FAM186A: variants seen among roughly 807,000 people sequenced by gnomAD.
FAM186A encodes the protein protein FAM186A.
A neutral mutation model predicts 216.8 loss-of-function variants in FAM186A; 163 were observed. The observed-to-expected ratio is 0.75, with a 90% CI of 0.66 to 0.86. The LOEUF is 0.86. Among genes scored for constraint, FAM186A ranks in the 40% least tolerant of loss-of-function variants. The pLI, the probability that FAM186A is intolerant of heterozygous loss-of-function variation, is 0.00. For missense variants in FAM186A, 2,184 were observed against 2,746.2 expected (o/e 0.80, Z 4.58); for synonymous variants, 805 against 1,025.3 (o/e 0.79, Z 4.10).
At chr12:50,344,382 C>T (rs1273101061) in intron 4 of FAM186A, among the ~76,000 whole-genome samples, 1 of 152,040 alleles carries the variant, frequency 6.6e-6, no homozygotes, top group Non-Finnish European at 1.5e-5. Context: ...GTTTTCTGTT[C>T]TTCTGTTAAT....
At chr12:50,373,345 C>T (rs1304762101) in intron 1 of FAM186A, among the ~76,000 whole-genome samples, 21 of 151,832 alleles carry the variant, frequency 1.4e-4, no homozygotes, top group African/African-American at 3.9e-4. Flanking sequence ...TGCAGTGAGC[C>T]GAGACCACAC....
intron 1 of FAM186A, chr12:50,365,833 A>C: frequency 1.3e-6 from 1 of 760,990 alleles, no homozygotes; most frequent in Non-Finnish European, 2.4e-6. Context: ...GTATGAGGAC[A>C]CCATAAAGGT....
At chr12:50,382,010 A>C (rs747499766) in intron 1 of FAM186A, among the ~76,000 whole-genome samples, 17 of 151,916 alleles carry the variant, frequency 1.1e-4, no homozygotes, top group Non-Finnish European at 2.2e-4. Flanking sequence ...TCCCCTTTTG[A>C]GTAGGGAGTG....
intron 3 of FAM186A, 114 bp from the exon 4 acceptor site, chr12:50,356,362 A>T: frequency 1.3e-6 from 1 of 774,676 alleles, no homozygotes; most frequent in Non-Finnish European, 1.9e-6. Flanking sequence ...ATTAAATATA[A>T]GATAAAGATT....
At chr12:50,349,512 A>C (rs1942853907) in intron 4 of FAM186A, among the ~76,000 whole-genome samples, 1 of 151,524 alleles carries the variant, frequency 6.6e-6, no homozygotes, top group Non-Finnish European at 1.5e-5. Flanking sequence ...TATGTCCATT[A>C]GTTCAATTGC....
chr12:50,342,641 G>A (rs1942775675), intron 4 of FAM186A, among the ~76,000 whole-genome samples: 2 of 151,148 alleles, frequency 1.3e-5, no homozygotes, highest in South Asian at 4.2e-4. Context: ...CATCTGTCTA[G>A]TTTTGTTTGT....
chr12:50,332,186 G>A (rs565832424), intron 5 of FAM186A, among the ~76,000 whole-genome samples: 3 of 152,340 alleles, frequency 2.0e-5, no homozygotes, highest in Non-Finnish European at 4.4e-5. Context: ...TTGTGATGCA[G>A]TATGCAACTG....
chr12:50,368,561 T>C (rs1943112518), intron 1 of FAM186A, among the ~76,000 whole-genome samples: 1 of 152,104 alleles, frequency 6.6e-6, no homozygotes, highest in African/African-American at 2.4e-5. Flanking sequence ...GATTGGAATA[T>C]TTAATATTGT....
At chr12:50,376,177 C>A (rs1037638526) in intron 1 of FAM186A, among the ~76,000 whole-genome samples, 1 of 152,194 alleles carries the variant, frequency 6.6e-6, no homozygotes, top group African/African-American at 2.4e-5. Flanking sequence ...AGGATCACCA[C>A]TTTTCACTCA....
chr12:50,362,445 CAAAAAT>C (rs1276911417), intron 2 of FAM186A, among the ~76,000 whole-genome samples: 2 of 151,682 alleles, frequency 1.3e-5, no homozygotes, highest in Non-Finnish European at 2.9e-5. Flanking sequence ...ATGCTATAGA[CAAAAAT>C]AAAGAAAGGT....
At chr12:50,337,957 G>A (rs1942727089) in intron 4 of FAM186A, among the ~76,000 whole-genome samples, 9 of 151,880 alleles carry the variant, frequency 5.9e-5, no homozygotes. Flanking sequence ...AGTAACCATG[G>A]GGGTATCTTA....
chr12:50,341,913 GA>G (rs1224505969), intron 4 of FAM186A, among the ~76,000 whole-genome samples: 2 of 152,074 alleles, frequency 1.3e-5, no homozygotes, highest in African/African-American at 4.8e-5. Flanking sequence ...TATCATAGGG[GA>G]AATCTGCCAA....
At chr12:50,380,640 G>A (rs1016378737) in intron 1 of FAM186A, among the ~76,000 whole-genome samples, 5 of 151,432 alleles carry the variant, frequency 3.3e-5, no homozygotes, top group African/African-American at 1.2e-4. Context: ...AGGTTGCAGT[G>A]AGCTGAGATC....
At chr12:50,385,885 G>A (rs1482907542) in intron 1 of FAM186A, among the ~76,000 whole-genome samples, 2 of 151,150 alleles carry the variant, frequency 1.3e-5, no homozygotes, top group Non-Finnish European at 2.9e-5. Flanking sequence ...CTGGGCAACA[G>A]AGCGAGACTC....
At chr12:50,380,898 G>A (rs901991710) in intron 1 of FAM186A, among the ~76,000 whole-genome samples, 2 of 152,304 alleles carry the variant, frequency 1.3e-5, no homozygotes, top group Middle Eastern at 3.4e-3. Flanking sequence ...GTGGCGAGGG[G>A]TATGTGAGCA....
Position 50,368,800 on chromosome 12 carries a change from G to T in FAM186A, c.193-5436C>A, listed in dbSNP as rs1195902536. On this transcript the variant is annotated intron_variant, in intron 1 of 7. Coordinates refer to ENST00000327337, the MANE Select transcript of FAM186A (RefSeq NM_001145475.3). ...AAAGCTACATTAATCAAAATAATGT[G>T]GTACAGGCATAACGACAGACATATA... Among the ~76,000 whole-genome samples, 3 of 151,870 alleles carry T rather than the reference G, an allele frequency of 2.0e-5. No homozygotes were observed. In the South Asian group the frequency reaches 6.2e-4, roughly 32 times the overall value.
At chr12:50,345,456 T>G (rs1942803121) in intron 4 of FAM186A, among the ~76,000 whole-genome samples, 1 of 152,154 alleles carries the variant, frequency 6.6e-6, no homozygotes, top group Non-Finnish European at 1.5e-5. Flanking sequence ...TCCTAGGTTT[T>G]CTTCTAGGAT....
At chr12:50,382,359 G>A (rs1307266013) in intron 1 of FAM186A, among the ~76,000 whole-genome samples, 1 of 151,864 alleles carries the variant, frequency 6.6e-6, no homozygotes, top group African/African-American at 2.4e-5. Context: ...ATTTTCTAGG[G>A]GGAATAGCAT....
At chr12:50,328,828 T>C (rs986138598) in intron 7 of FAM186A, among the ~76,000 whole-genome samples, 1 of 151,262 alleles carries the variant, frequency 6.6e-6, no homozygotes, top group African/African-American at 2.4e-5. Context: ...TTTTAAAACA[T>C]GTCCAGGCCG....
Sources: gnomAD v4.1 joint callset for allele counts (sites outside exome capture counted in the v4.1 genomes callset) on GRCh38, gnomAD v4.1.1 for gene constraint, MANE v1.5 for transcripts, NCBI Gene and HGNC (gene_info 2026-07-23, HGNC 2026-07-21) for gene names.